SUN1: variants seen among roughly 807,000 people sequenced by gnomAD.
The protein encoded by SUN1 is Sad1 and UNC84 domain containing 1, also known as SUN domain-containing protein 1.
In SUN1, 61 loss-of-function variants were observed where a neutral mutation model predicts 103.2. That is an observed-to-expected ratio of 0.59 (90% confidence interval 0.48 to 0.73). The LOEUF is 0.73. Ranked by LOEUF, SUN1 falls within the 30% of genes least tolerant of loss-of-function variation. The pLI, the probability that SUN1 is intolerant of heterozygous loss-of-function variation, is 0.00. For synonymous variants in SUN1, 490 were observed against 425.7 expected (o/e 1.15, Z -1.86); for missense variants, 1,052 against 1,034.6 (o/e 1.02, Z -0.23).
At chr7:860,474 G>A (rs1424705022) in intron 14 of SUN1, 92 bp downstream of exon 14, 1 of 1,550,740 alleles carries the variant, frequency 6.4e-7, no homozygotes, top group East Asian at 2.3e-5. Flanking sequence ...TTGATGTCTT[G>A]TTTTAAGAGT....
At chr7:861,045 C>A (rs1831820660) in intron 14 of SUN1, among the ~76,000 whole-genome samples, 1 of 152,194 alleles carries the variant, frequency 6.6e-6, no homozygotes, top group Non-Finnish European at 1.5e-5. Context: ...TACCTAAATT[C>A]CCAGAATTTC....
chr7:848,818 C>G (rs1288062521), intron 5 of SUN1, among the ~76,000 whole-genome samples: 1 of 152,206 alleles, frequency 6.6e-6, no homozygotes, highest in Non-Finnish European at 1.5e-5. Context: ...GTTTGGTTCC[C>G]TCAGAGCTGA....
intron 1 of SUN1, among the ~76,000 whole-genome samples, chr7:820,702 T>C (rs1418994163): frequency 6.6e-6 from 1 of 152,234 alleles, no homozygotes; most frequent in Admixed American, 6.5e-5. Flanking sequence ...CCCTTTATCA[T>C]GTGAGGAAGT....
intron 1 of SUN1, among the ~76,000 whole-genome samples, chr7:819,989 G>C (rs937327585): frequency 1.3e-5 from 2 of 152,166 alleles, no homozygotes; most frequent in African/African-American, 4.8e-5. Context: ...TTTGTAGTAA[G>C]TTTTGAAGCT....
At chr7:855,566 A>G (rs1468300384) in intron 11 of SUN1, among the ~76,000 whole-genome samples, 1 of 152,084 alleles carries the variant, frequency 6.6e-6, no homozygotes, top group Non-Finnish European at 1.5e-5. Context: ...GTGTGTATTG[A>G]ACTACCTTGA....
chr7:861,302 C>T (rs570580952), intron 14 of SUN1, 78 bp from the exon 15 acceptor site: 50 of 1,403,990 alleles, frequency 3.6e-5, no homozygotes, highest in Non-Finnish European at 2.0e-6. Flanking sequence ...AGTGTCTGGT[C>T]CTCATCCATG....
chr7:851,458 CT>C lies in SUN1; in HGVS notation c.736del (p.Trp246GlyfsTer28). 6.2e-7 allele frequency: 1 copy of C among 1,608,670 alleles called. No individual in the cohort carries two copies. The highest frequency in any genetic ancestry group is 8.5e-7 in the Non-Finnish European group (1 of 1,177,594). ...TGTGTCCAGGACGGCGTGGTCGGCC[CT>C]TTGGCTGGCCGTGGTTGCTCCAGGT... ...QAVSRTAWSA[L>X]WLAVVAPGKA... On this transcript the variant is annotated frameshift_variant, in exon 6 of 19. Transcript: ENST00000401592. LOFTEE classifies it high-confidence loss of function.
chr7:858,094 A>G (rs1042061485), intron 13 of SUN1, 137 bp downstream of exon 13: 7 of 1,111,804 alleles, frequency 6.3e-6, no homozygotes, highest in Non-Finnish European at 8.4e-6. Flanking sequence ...TGTGGCACGC[A>G]GGCTAGACTG....
chr7:856,874 C>A (rs1230735771), intron 12 of SUN1, among the ~76,000 whole-genome samples: 1 of 152,150 alleles, frequency 6.6e-6, no homozygotes, highest in Non-Finnish European at 1.5e-5. Context: ...AGGACACCTG[C>A]TTCCAGAACC....
intron 18 of SUN1, 56 bp from the exon 19 acceptor site, chr7:873,159 G>C: frequency 6.7e-7 from 1 of 1,497,474 alleles, no homozygotes; most frequent in African/African-American, 1.4e-5. Flanking sequence ...GAAGTGATTG[G>C]ACTTGGGGTT....
At chr7:821,929 T>A (rs1786492431) in intron 1 of SUN1, among the ~76,000 whole-genome samples, 1 of 152,182 alleles carries the variant, frequency 6.6e-6, no homozygotes, top group East Asian at 1.9e-4. Context: ...GGGGTGGTTG[T>A]GCTTGTGTTG....
At chr7:831,165 C>G (rs1017266401), upstream of SUN1, 5 of 355,532 alleles carry the variant, frequency 1.4e-5, no homozygotes, top group Non-Finnish European at 2.0e-5. Context: ...GCTGTTGAAG[C>G]GTAAGTTCCT....
At chr7:847,267 T>A (rs1369096427) in intron 5 of SUN1, among the ~76,000 whole-genome samples, 1 of 149,306 alleles carries the variant, frequency 6.7e-6, no homozygotes, top group Admixed American at 6.7e-5. Context: ...CCCCTGGGGG[T>A]TACCCCGCAG....
intron 5 of SUN1, among the ~76,000 whole-genome samples, chr7:845,647 A>T (rs1814844364): frequency 6.6e-6 from 1 of 152,112 alleles, no homozygotes; most frequent in African/African-American, 2.4e-5. Flanking sequence ...GCTTTCCTTA[A>T]GTATAAATTG....
chr7:860,264 T>C lies in SUN1; in HGVS notation c.1661T>C (p.Leu554Pro). Reference sequence around the variant, plus strand: ...GACTTGCAGACGATGCTGCGAGACCTGCAGCTGCAGATCCTGCGGAACGTC... The same window carrying C: ...GACTTGCAGACGATGCTGCGAGACCCGCAGCTGCAGATCCTGCGGAACGTC... ...KGDLQTMLRD[L>P]QLQILRNVTH... The change falls in exon 14 of 19, where the codon CTG becomes CCG. Residue 554 changes from leucine to proline, a missense_variant. Physicochemically the swap from Leu to Pro is moderately conservative, Grantham distance 98. This residue lies in a region of SUN1 where 846 missense variants were observed against 774.5 expected (regional missense o/e 1.09). Transcript: ENST00000401592. The C allele has an allele frequency of 6.2e-7, 1 of 1,614,248 alleles. No individual in the cohort carries two copies. The highest frequency in any genetic ancestry group is 8.5e-7 in the Non-Finnish European group (1 of 1,180,048).
In SUN1 at chr7:861,483, T is replaced by C; in HGVS notation, c.1864+19T>C. The stretch of plus-strand genomic sequence containing the variant: ...TCTGGTGGTGAGTAAATAGACGTTC[T>C]GATTACTAAGTTAGATGATCACCTG... On this transcript the variant is annotated intron_variant, in intron 15 of 18. Transcript: ENST00000401592. 3 of 1,613,638 alleles carry C rather than the reference T, an allele frequency of 1.9e-6. No homozygotes were observed. Among genetic ancestry groups the C allele is most frequent in the Middle Eastern group, 1.7e-4 (1 of 6,060 alleles).
intron 13 of SUN1, 62 bp from the exon 14 acceptor site, chr7:860,065 AC>A: frequency 1.3e-6 from 2 of 1,585,072 alleles, no homozygotes; most frequent in Non-Finnish European, 1.7e-6. Context: ...AAGATAATGG[AC>A]CCGAACAGTG....
intron 13 of SUN1, among the ~76,000 whole-genome samples, chr7:859,362 A>G (rs1317302621): frequency 6.6e-6 from 1 of 152,190 alleles, no homozygotes; most frequent in Non-Finnish European, 1.5e-5. Flanking sequence ...GGAAAATCTT[A>G]GGATATTAAC....
chr7:873,398 C>A lies in SUN1; in HGVS notation c.*67C>A. The A allele has an allele frequency of 7.2e-7, 1 of 1,386,212 alleles. No homozygotes were observed. Among genetic ancestry groups the A allele is most frequent in the Non-Finnish European group, 1.0e-6 (1 of 976,204 alleles). 85.9% of individuals were successfully genotyped at this position (1,386,212 alleles called of 1,614,324 possible). The stretch of plus-strand genomic sequence containing the variant: ...GACAGCGTGAAACACTGGAATCCTT[C>A]ATGGACGAGGGCATATACAATGATG... On this transcript the variant is annotated 3_prime_UTR_variant, in exon 19 of 19. Transcript: ENST00000401592.
Sources: allele counts gnomAD v4.1 joint callset (sites outside exome capture counted in the v4.1 genomes callset), GRCh38; gene constraint gnomAD v4.1.1; regional missense constraint gnomAD v4.1.1; transcripts MANE v1.5; gene names NCBI Gene and HGNC (gene_info 2026-07-23, HGNC 2026-07-21).